EZH1: variants seen among roughly 807,000 people sequenced by gnomAD.
EZH1 encodes enhancer of zeste 1 polycomb repressive complex 2 subunit, also known as histone-lysine N-methyltransferase EZH1.
EZH1 carries 33 observed loss-of-function variants against 100.5 expected under a neutral mutation model. The observed-to-expected ratio is 0.33, with a 90% CI of 0.25 to 0.44. The LOEUF (loss-of-function observed/expected upper bound fraction) is 0.44. Among genes scored for constraint, EZH1 ranks in the 20% least tolerant of loss-of-function variants. The pLI is 1.00. For missense variants in EZH1, 475 were observed against 928.4 expected (o/e 0.51, Z 6.35); for synonymous variants, 272 against 313.8 (o/e 0.87, Z 1.41).
Position 42,718,987 on chromosome 17 carries a change from C to T in EZH1, c.767+118G>A, listed in dbSNP as rs1047113082. On this transcript the variant is annotated intron_variant, in intron 8 of 20. Coordinates refer to ENST00000428826, the MANE Select transcript of EZH1 (RefSeq NM_001991.5). The surrounding 1 kb of genome is among the most constrained non-coding windows in gnomAD (Gnocchi z 4.2). ...GAGTAAGCAAGAAATAATCAAATTG[C>T]GGGCAAATCATAATGCCCTTACCAT... 14 of 743,638 alleles carry T rather than the reference C, an allele frequency of 1.9e-5. No homozygotes were observed. The highest frequency in any genetic ancestry group is 9.1e-5 in the Admixed American group (4 of 44,150). 46.1% of individuals were successfully genotyped at this position (743,638 alleles called of 1,614,324 possible). A position where few individuals can be genotyped will look rare whatever the true frequency, so the allele number is the denominator to read the frequency against.
At chr17:42,703,092 T>C (rs143100357) in intron 19 of EZH1, 131 bp from the exon 20 acceptor site, 12 of 811,762 alleles carry the variant, frequency 1.5e-5, no homozygotes, top group East Asian at 2.5e-5. Flanking sequence ...GTAGTCAATA[T>C]GGTAGTTGCC....
chr17:42,718,492 A>G lies in EZH1; in HGVS notation c.893T>C (p.Phe298Ser). The change falls in exon 9 of 21, where the codon TTT (phenylalanine) becomes TCT (serine). Residue 298 changes from phenylalanine (F) to serine (S), a missense_variant. Phe to Ser is a radical substitution (Grantham distance 155). This residue lies in a region of EZH1 where 180 missense variants were observed against 295.3 expected (regional missense o/e 0.61). Coordinates refer to ENST00000428826, the MANE Select transcript of EZH1 (RefSeq NM_001991.5). The surrounding 1 kb of genome is among the most constrained non-coding windows in gnomAD (Gnocchi z 4.2). ...GTCGTATTTAAAGCAGCGCCGGCAAAAAAGTGTGTGGAAGGAGTGCAGAGA... is the reference window on the plus strand; with the variant it reads ...GTCGTATTTAAAGCAGCGCCGGCAAGAAAGTGTGTGGAAGGAGTGCAGAGA... ...EQSLHSFHTLFCRRCFKYDCF... is the reference protein window; with the variant it reads ...EQSLHSFHTLSCRRCFKYDCF... 6.2e-7 allele frequency: 1 copy of G among 1,614,150 alleles called. No individual in the cohort carries two copies. Among genetic ancestry groups the G allele is most frequent in the Non-Finnish European group, 8.5e-7 (1 of 1,180,034 alleles).
chr17:42,711,099 C>T (rs574160245), intron 12 of EZH1, among the ~76,000 whole-genome samples: 1 of 152,158 alleles, frequency 6.6e-6, no homozygotes, highest in East Asian at 1.9e-4. Context: ...CTTTTCCTGT[C>T]TTTTCCTGGG....
chr17:42,703,960 C>A, intron 18 of EZH1, 140 bp from the exon 19 acceptor site: 1 of 683,352 alleles, frequency 1.5e-6, no homozygotes. Flanking sequence ...CTAACAGGAG[C>A]AGAGGAAAGC....
At chr17:42,719,268 T>A in intron 7 of EZH1, 61 bp from the exon 8 acceptor site, 1 of 1,289,116 alleles carries the variant, frequency 7.8e-7, no homozygotes, top group Non-Finnish European at 1.1e-6. Flanking sequence ...AACAAATCTG[T>A]GTGATCTTTT....
At chr17:42,728,716 TG>T in intron 3 of EZH1, 108 bp downstream of exon 3, 1 of 1,171,448 alleles carries the variant, frequency 8.5e-7, no homozygotes, top group African/African-American at 1.6e-5. Flanking sequence ...CACTCCAACC[TG>T]GGTGACAGAG....
At chr17:42,720,167 A>G (rs775450417) in intron 7 of EZH1, 106 bp downstream of exon 7, 1 of 1,218,066 alleles carries the variant, frequency 8.2e-7, no homozygotes, top group Non-Finnish European at 1.1e-6. Flanking sequence ...AAGTGAACCA[A>G]CAAGAAGCAC....
At chr17:42,722,241 C>T (rs1027817772) in intron 6 of EZH1, among the ~76,000 whole-genome samples, 16 of 150,696 alleles carry the variant, frequency 1.1e-4, no homozygotes, top group Non-Finnish European at 1.3e-4. Context: ...CACTTAAGCC[C>T]AGGAGGCTGA....
intron 1 of EZH1, among the ~76,000 whole-genome samples, chr17:42,737,637 CT>C (rs988761087): frequency 6.6e-5 from 10 of 151,872 alleles, no homozygotes; most frequent in African/African-American, 7.3e-5. Flanking sequence ...ACTATTCTTT[CT>C]TTTTTTTCTT....
In EZH1 at chr17:42,722,841, A is replaced by G; in HGVS notation, c.441T>C (p.Ile147=). The change falls in exon 6 of 21, where the codon ATT becomes ATC. Residue 147 remains isoleucine, a synonymous_variant. Transcript: ENST00000428826. The stretch of plus-strand genomic sequence containing the variant: ...CATCATAGTTATTGATCAGCTCCTC[A>G]ATAAAAGTCTCATCTTCTTCTTTCA... ...DEVKEEDETF[I]EELINNYDGK... 5 of 1,613,994 alleles carry G rather than the reference A, an allele frequency of 3.1e-6. No individual in the cohort carries two copies. The highest frequency in any genetic ancestry group is 4.2e-6 in the Non-Finnish European group (5 of 1,179,980).
chr17:42,722,951 C>T (rs777433566), intron 5 of EZH1, 36 bp from the exon 6 acceptor site: 1 of 1,602,004 alleles, frequency 6.2e-7, no homozygotes, highest in Non-Finnish European at 8.5e-7. Context: ...TTCCATGAAG[C>T]CATCATGCAT....
At chr17:42,705,053 C>T (rs1248159472) in intron 17 of EZH1, 35 bp downstream of exon 17, 19 of 1,532,330 alleles carry the variant, frequency 1.2e-5, no homozygotes, top group East Asian at 2.3e-5. Flanking sequence ...CAGTCTCCCC[C>T]GAGTAAGAAT....
At chr17:42,725,917 C>T (rs1380844182) in intron 4 of EZH1, among the ~76,000 whole-genome samples, 4 of 152,132 alleles carry the variant, frequency 2.6e-5, no homozygotes, top group African/African-American at 9.7e-5. Flanking sequence ...CTCACTCTGT[C>T]GCCCAGGCTG....
At chr17:42,722,051 A>G (rs2053716891) in intron 6 of EZH1, among the ~76,000 whole-genome samples, 1 of 148,834 alleles carries the variant, frequency 6.7e-6, no homozygotes, top group South Asian at 2.2e-4. Flanking sequence ...CGGGAGGCTG[A>G]GGCAGGAGAA....
rs765444744 is a variant in EZH1, at chr17:42,705,118, C to T, written c.1905G>A (p.Lys635=). ...CACAGTATTCAGAAATGAATTCGTT[C>T]TTCTGCACAGACTCCTTTATGAAGG... ...WGTFIKESVQ[K]NEFISEYCGE... The change falls in exon 17 of 21, where the codon AAG becomes AAA. Residue 635 remains lysine (K), a synonymous_variant. Transcript: ENST00000428826. 2.1e-5 allele frequency: 34 copies of T among 1,613,650 alleles called. 1 individual carries two copies. In the South Asian group the frequency reaches 3.6e-4, roughly 17 times the overall value.
rs2053237423 is a variant in EZH1 at position 42,701,411 on chromosome 17, GCACACGGGGTGCCA to G, written c.*1107_*1120del. ...CAGATACCCTCTGCCAGTGTGCCCT[GCACACGGGGTGCCA>G]GCCTAAACGCGTGCAATTTAGCCCC... is the stretch of plus-strand genomic sequence containing the variant. On this transcript the variant is annotated 3_prime_UTR_variant, in exon 21 of 21. Coordinates refer to ENST00000428826, the MANE Select transcript of EZH1 (RefSeq NM_001991.5). 6.5e-6 allele frequency: 1 copy of G among 152,852 alleles called. No individual in the cohort carries two copies. The highest frequency in any genetic ancestry group is 2.4e-5 in the African/African-American group (1 of 41,460). 9.5% of individuals were successfully genotyped at this position (152,852 alleles called of 1,614,324 possible).
intron 1 of EZH1, among the ~76,000 whole-genome samples, chr17:42,743,074 G>C (rs1306840509): frequency 6.6e-6 from 1 of 151,846 alleles, no homozygotes; most frequent in East Asian, 1.9e-4. Flanking sequence ...TCGCCATGTT[G>C]CCCAGGCAGC....
chr17:42,702,835 A>G, intron 20 of EZH1, 42 bp downstream of exon 20: 1 of 1,602,820 alleles, frequency 6.2e-7, no homozygotes, highest in South Asian at 1.1e-5. Context: ...CACTCTTTCC[A>G]ATTCCTGGGC....
intron 17 of EZH1, 41 bp downstream of exon 17, chr17:42,705,047 C>G: frequency 6.7e-7 from 1 of 1,493,554 alleles, no homozygotes; most frequent in Non-Finnish European, 9.3e-7. Flanking sequence ...TCTCATCAGT[C>G]TCCCCCGAGT....
Sources: allele counts gnomAD v4.1 joint callset (sites outside exome capture counted in the v4.1 genomes callset), GRCh38; gene constraint gnomAD v4.1.1; regional missense constraint gnomAD v4.1.1; non-coding constraint Gnocchi (gnomAD v3.1); transcripts MANE v1.5; gene names NCBI Gene and HGNC (gene_info 2026-07-23, HGNC 2026-07-21).